Variants in PDIA5 observed in about 807,000 individuals in gnomAD.
The protein encoded by PDIA5 is protein disulfide-isomerase A5.
Under a neutral mutation model 77.6 loss-of-function variants are expected in PDIA5, and 58 were observed. The ratio of observed to expected loss-of-function variants is 0.75; its 90% confidence interval spans 0.61 to 0.93. PDIA5 has a LOEUF of 0.93. PDIA5 is among the 40% of genes least tolerant of loss of function. The pLI, the probability that PDIA5 is intolerant of heterozygous loss-of-function variation, is 0.00. For synonymous variants in PDIA5, 250 were observed against 252.1 expected, an observed-to-expected ratio of 0.99 and a Z score of 0.08; for missense variants, 630 against 647.7, an observed-to-expected ratio of 0.97 and a Z score of 0.30.
chr3:123,143,361 TGGG>T, intron 11 of PDIA5, among the ~76,000 whole-genome samples: 1 of 129,630 alleles, frequency 7.7e-6, no homozygotes, highest in African/African-American at 3.0e-5. Context: ...TACTCCAGCC[TGGG>T]TGACAGAGCG....
chr3:123,071,038 C>T (rs1933711003), intron 1 of PDIA5, among the ~76,000 whole-genome samples: 1 of 151,966 alleles, frequency 6.6e-6, no homozygotes, highest in South Asian at 2.1e-4. Context: ...GTTACAGCAT[C>T]CCTTTGAAAA....
chr3:123,143,804 A>C (rs917622078), intron 11 of PDIA5, among the ~76,000 whole-genome samples: 1 of 152,148 alleles, frequency 6.6e-6, no homozygotes, highest in Non-Finnish European at 1.5e-5. Flanking sequence ...AAGAGCTGAC[A>C]TGTTGATGTG....
intron 11 of PDIA5, among the ~76,000 whole-genome samples, chr3:123,141,741 T>C (rs908744682): frequency 1.3e-5 from 2 of 152,166 alleles, no homozygotes; most frequent in African/African-American, 4.8e-5. Flanking sequence ...CTCCACTCTA[T>C]TTTAGTGAGA....
At chr3:123,101,906 C>CCTTTTTTTT (rs1553798314) in intron 3 of PDIA5, among the ~76,000 whole-genome samples, 10 of 71,400 alleles carry the variant, frequency 1.4e-4, no homozygotes, top group Admixed American at 2.6e-4. Context: ...TTCTTTCTTG[C>CCTTTTTTTT]TTTTTTTTTT....
chr3:123,067,820 G>C (rs1478994552), intron 1 of PDIA5, among the ~76,000 whole-genome samples: 1 of 152,204 alleles, frequency 6.6e-6, no homozygotes, highest in African/African-American at 2.4e-5. Context: ...TGTGTGACGC[G>C]GCGGTTCATT....
intron 8 of PDIA5, among the ~76,000 whole-genome samples, chr3:123,121,592 G>C (rs529392430): frequency 6.6e-6 from 1 of 152,322 alleles, no homozygotes; most frequent in South Asian, 2.1e-4. Flanking sequence ...AGGCTGCCCA[G>C]AGACGTGAGG....
At chr3:123,097,569 C>T (rs1934473936) in intron 3 of PDIA5, among the ~76,000 whole-genome samples, 1 of 152,156 alleles carries the variant, frequency 6.6e-6, no homozygotes. Context: ...AGGTTCAGCT[C>T]TTCCAGGACT....
chr3:123,159,267 G>A (rs1262818807), intron 15 of PDIA5, among the ~76,000 whole-genome samples: 2 of 152,206 alleles, frequency 1.3e-5, no homozygotes, highest in Non-Finnish European at 2.9e-5. Context: ...GTGGATGCCC[G>A]TGTCCCTGGG....
intron 10 of PDIA5, among the ~76,000 whole-genome samples, chr3:123,130,194 G>C (rs1935339257): frequency 6.6e-6 from 1 of 152,246 alleles, no homozygotes; most frequent in African/African-American, 2.4e-5. Context: ...AGGAGGAAGT[G>C]AGATTTCTTA....
At chr3:123,161,496 CTGAT>C in intron 16 of PDIA5, 41 bp downstream of exon 16, 1 of 1,595,262 alleles carries the variant, frequency 6.3e-7, no homozygotes, top group Non-Finnish European at 8.5e-7. Flanking sequence ...TCTCTCTCTG[CTGAT>C]GGGCAGGGAA....
chr3:123,129,953 C>A (rs1363083500), intron 10 of PDIA5, among the ~76,000 whole-genome samples: 2 of 152,120 alleles, frequency 1.3e-5, no homozygotes, highest in African/African-American at 2.4e-5. Context: ...CCCCATGTGG[C>A]AGCTTCCCCT....
intron 10 of PDIA5, among the ~76,000 whole-genome samples, chr3:123,126,958 A>G (rs1157884957): frequency 2.6e-5 from 4 of 152,120 alleles, no homozygotes; most frequent in Non-Finnish European, 5.9e-5. Flanking sequence ...CCTAATGGCC[A>G]CGTATCTCAT....
chr3:123,145,619 C>G, intron 12 of PDIA5, 27 bp downstream of exon 12: 1 of 1,567,014 alleles, frequency 6.4e-7, no homozygotes, highest in Non-Finnish European at 8.8e-7. Context: ...TCCCCCTCAC[C>G]GTTCTCTTTG....
In PDIA5 at chr3:123,130,582, A is replaced by G. The variant is rs368397740; in HGVS notation, c.876A>G (p.Glu292=). ...TDEDFDQFVK[E]HSSVLVMFHA... is the part of the protein sequence containing the mutation. ...AAGACTTTGACCAGTTTGTGAAGGAACACTCCTCTGTCCTCGTCATGTTCC... is the reference window on the plus strand; with the variant it reads ...AAGACTTTGACCAGTTTGTGAAGGAGCACTCCTCTGTCCTCGTCATGTTCC... The change falls in exon 11 of 17, where the codon GAA becomes GAG. Residue 292 remains glutamate, a synonymous_variant. Coordinates refer to ENST00000316218, the MANE Select transcript of PDIA5 (RefSeq NM_006810.4). 1.4e-5 allele frequency: 22 copies of G among 1,614,018 alleles called. No homozygotes were observed. The highest frequency in any genetic ancestry group is 1.3e-4 in the East Asian group (6 of 44,894).
intron 1 of PDIA5, among the ~76,000 whole-genome samples, chr3:123,079,729 T>G (rs894247357): frequency 1.3e-5 from 2 of 152,198 alleles, no homozygotes; most frequent in Non-Finnish European, 2.9e-5. Flanking sequence ...TAGAGATACA[T>G]GATAAATTGT....
intron 2 of PDIA5, among the ~76,000 whole-genome samples, chr3:123,091,694 T>G (rs144314892): frequency 6.6e-6 from 1 of 152,212 alleles, no homozygotes; most frequent in Non-Finnish European, 1.5e-5. Flanking sequence ...ATTCCTGCAA[T>G]TGACCCCTGG....
chr3:123,112,526 G>A (rs1934887770), intron 7 of PDIA5, among the ~76,000 whole-genome samples: 1 of 131,362 alleles, frequency 7.6e-6, no homozygotes, highest in South Asian at 2.5e-4. Flanking sequence ...CCTTTCCCCA[G>A]CCCTATTCTT....
At chr3:123,151,858 C>CTCCT (rs1384122498) in intron 14 of PDIA5, among the ~76,000 whole-genome samples, 8 of 53,152 alleles carry the variant, frequency 1.5e-4, no homozygotes, top group Non-Finnish European at 2.6e-4. Context: ...CCTTCCTGCC[C>CTCCT]TCCTTCCTTC....
intron 3 of PDIA5, among the ~76,000 whole-genome samples, chr3:123,099,936 C>T (rs948402111): frequency 3.9e-5 from 6 of 152,240 alleles, no homozygotes; most frequent in Admixed American, 3.3e-4. Flanking sequence ...GCGTCTGAGC[C>T]CCCAGGCAGG....
Sources: gnomAD v4.1 joint callset for allele counts (sites outside exome capture counted in the v4.1 genomes callset) on GRCh38, gnomAD v4.1.1 for gene constraint, MANE v1.5 for transcripts, NCBI Gene and HGNC (gene_info 2026-07-23, HGNC 2026-07-21) for gene names.